Variants in RASGRF2 observed in about 807,000 individuals in gnomAD.
RASGRF2 encodes the protein Ras protein specific guanine nucleotide releasing factor 2.
In RASGRF2, 76 loss-of-function variants were observed where a neutral mutation model predicts 151.0. The observed-to-expected ratio is 0.50, with a 90% CI of 0.42 to 0.61. RASGRF2 has a LOEUF of 0.61. RASGRF2 is among the 20% of genes least tolerant of loss of function. The probability of loss-of-function intolerance (pLI) is 0.00; values close to 1 mark genes in which losing one functional copy is unlikely to be tolerated. For synonymous variants in RASGRF2, 504 were observed against 566.5 expected (o/e 0.89, Z 1.57); for missense variants, 1,148 against 1,564.6 (o/e 0.73, Z 4.49).
intron 1 of RASGRF2, among the ~76,000 whole-genome samples, chr5:80,969,627 A>AT (rs763147274): frequency 4.3e-5 from 6 of 140,582 alleles, no homozygotes; most frequent in Non-Finnish European, 7.7e-5. Context: ...TTTTTTTTGT[A>AT]TTTTTAGTAG....
At chr5:81,096,669 G>A (rs1447504498) in intron 12 of RASGRF2, among the ~76,000 whole-genome samples, 1 of 152,048 alleles carries the variant, frequency 6.6e-6, no homozygotes, top group Admixed American at 6.6e-5. Flanking sequence ...AGCATGACTG[G>A]GGAGACATTG....
At chr5:81,122,812 A>G (rs1256820042) in intron 15 of RASGRF2, among the ~76,000 whole-genome samples, 1 of 152,224 alleles carries the variant, frequency 6.6e-6, no homozygotes, top group Non-Finnish European at 1.5e-5. Context: ...AGGGGCATAG[A>G]AACATCATTA....
chr5:81,214,875 A>T (rs569013258), intron 23 of RASGRF2, among the ~76,000 whole-genome samples: 19 of 152,372 alleles, frequency 1.2e-4, no homozygotes, highest in African/African-American at 4.6e-4. Flanking sequence ...AGTAATTATC[A>T]GTTATACTTC....
chr5:81,103,712 A>G (rs1317481550), intron 12 of RASGRF2, among the ~76,000 whole-genome samples: 2 of 150,638 alleles, frequency 1.3e-5, no homozygotes, highest in Admixed American at 6.7e-5. Flanking sequence ...AGGTAAAAAG[A>G]CAGATTGCCT....
intron 17 of RASGRF2, among the ~76,000 whole-genome samples, chr5:81,130,947 A>C (rs1461524265): frequency 6.6e-6 from 1 of 152,144 alleles, no homozygotes; most frequent in East Asian, 1.9e-4. Flanking sequence ...TCCATGTTTC[A>C]GGTGCCTCTG....
intron 17 of RASGRF2, among the ~76,000 whole-genome samples, chr5:81,152,147 G>A (rs1754152113): frequency 1.3e-5 from 2 of 152,032 alleles, no homozygotes; most frequent in South Asian, 2.1e-4. Flanking sequence ...GATTACAGGT[G>A]CGTGCCAACA....
At chr5:81,102,926 A>G (rs751685713) in intron 12 of RASGRF2, among the ~76,000 whole-genome samples, 1 of 152,214 alleles carries the variant, frequency 6.6e-6, no homozygotes, top group Non-Finnish European at 1.5e-5. Flanking sequence ...TGAGTAAATT[A>G]TGTATCATGA....
At chr5:81,081,692 C>T (rs910940877) in intron 7 of RASGRF2, among the ~76,000 whole-genome samples, 1 of 152,206 alleles carries the variant, frequency 6.6e-6, no homozygotes, top group African/African-American at 2.4e-5. Flanking sequence ...ATCTCTGACC[C>T]TGGCTAATCA....
At chr5:81,060,085 C>G (rs1426934471) in intron 2 of RASGRF2, among the ~76,000 whole-genome samples, 1 of 152,164 alleles carries the variant, frequency 6.6e-6, no homozygotes, top group Non-Finnish European at 1.5e-5. Context: ...ACAATCAGAT[C>G]TCATGAGAAC....
At position 80,994,238 on chromosome 5, in the gene RASGRF2, C is replaced by T. The variant is rs377333243; in HGVS notation, c.288+33212C>T. ...AAAATTAGCCAGGCGTGGTGGTAGGCGCCTGTAGTCCCAGCTACTCAGGAG... is the reference window on the plus strand; with the variant it reads ...AAAATTAGCCAGGCGTGGTGGTAGGTGCCTGTAGTCCCAGCTACTCAGGAG... On this transcript the variant is annotated intron_variant, in intron 1 of 26. Transcript: ENST00000265080. Among the ~76,000 whole-genome samples the T allele has an allele frequency of 2.6e-4, 39 of 151,800 alleles. No homozygotes were observed. In the East Asian group the frequency reaches 5.5e-3, roughly 21 times the overall value.
intron 1 of RASGRF2, among the ~76,000 whole-genome samples, chr5:81,029,596 A>G (rs1750164060): frequency 6.6e-6 from 1 of 152,222 alleles, no homozygotes; most frequent in African/African-American, 2.4e-5. Flanking sequence ...CCTGACTGTT[A>G]GAAGGAAAAC....
intron 1 of RASGRF2, among the ~76,000 whole-genome samples, chr5:80,963,740 T>C (rs561297358): frequency 2.1e-4 from 32 of 152,374 alleles, no homozygotes; most frequent in African/African-American, 7.2e-4. Flanking sequence ...CATCATTGCC[T>C]GAGGCAGAGA....
At chr5:81,106,693 T>C (rs956975551) in intron 12 of RASGRF2, among the ~76,000 whole-genome samples, 2 of 152,106 alleles carry the variant, frequency 1.3e-5, no homozygotes, top group Non-Finnish European at 2.9e-5. Flanking sequence ...CATAGAGAGG[T>C]AGTGTGGCCT....
In RASGRF2 at chr5:81,226,566, C is replaced by G. The variant is rs770672699; in HGVS notation, c.*796C>G. Reference sequence around the variant, plus strand: ...CAGCTGCAAAAAGGTGCACGCCCATCTCACCGACAAAACTGTGGAACAGAA... The same window carrying G: ...CAGCTGCAAAAAGGTGCACGCCCATGTCACCGACAAAACTGTGGAACAGAA... On this transcript the variant is annotated 3_prime_UTR_variant, in exon 27 of 27. Coordinates refer to ENST00000265080, the MANE Select transcript of RASGRF2 (RefSeq NM_006909.3). 1 of 152,172 alleles carries G rather than the reference C, an allele frequency of 6.6e-6. No homozygotes were observed. Among genetic ancestry groups the G allele is most frequent in the Non-Finnish European group, 1.5e-5 (1 of 68,048 alleles). 9.4% of individuals were successfully genotyped at this position (152,172 alleles called of 1,614,324 possible).
rs114139785 is a variant in RASGRF2 at position 81,087,635 on chromosome 5, T to C, written c.1390+682T>C. ...AGTGCCTATTTCTCCTCGGCTGTTATTTCAAAATGCAAGACGTAAACCACA... is the reference window on the plus strand; with the variant it reads ...AGTGCCTATTTCTCCTCGGCTGTTACTTCAAAATGCAAGACGTAAACCACA... On this transcript the variant is annotated intron_variant, in intron 9 of 26. Coordinates refer to ENST00000265080, the MANE Select transcript of RASGRF2 (RefSeq NM_006909.3). 1.4e-3 allele frequency: 700 copies of C among 501,828 alleles called. 2 individuals are homozygous for C. Among genetic ancestry groups the C allele is most frequent in the Admixed American group, 3.2e-3 (94 of 29,028 alleles). The allele number at this position is 501,828 out of a possible 1,614,324, so 31.1% of individuals were successfully genotyped here. A position where few individuals can be genotyped will look rare whatever the true frequency, so the allele number is the denominator to read the frequency against.
Position 81,035,044 on chromosome 5 carries a change from A to G in RASGRF2, c.289-7833A>G, listed in dbSNP as rs1252583969. ...GTTGGTGGGACTGTAAACTAGTTCA[A>G]CTATTGTGGTGATTCCTCAAGGATC... is the stretch of plus-strand genomic sequence containing the variant. On this transcript the variant is annotated intron_variant, in intron 1 of 26. Transcript: ENST00000265080. 3.3e-5 allele frequency among the ~76,000 whole-genome samples: 5 copies of G among 152,204 alleles called. No individual in the cohort carries two copies. In the East Asian group the frequency reaches 9.7e-4, roughly 29 times the overall value.
intron 17 of RASGRF2, among the ~76,000 whole-genome samples, chr5:81,179,478 T>G (rs1237563557): frequency 1.3e-5 from 2 of 152,164 alleles, no homozygotes; most frequent in African/African-American, 4.8e-5. Flanking sequence ...ATCCATGGGG[T>G]TTTTGTAAAT....
At chr5:81,123,892 T>C in intron 16 of RASGRF2, 125 bp downstream of exon 16, 2 of 1,281,920 alleles carry the variant, frequency 1.6e-6, no homozygotes, top group South Asian at 1.6e-5. Context: ...TGAAAATTAA[T>C]TGGAAGCAAA....
chr5:81,072,352 G>A (rs252586), intron 4 of RASGRF2, among the ~76,000 whole-genome samples: 80,898 of 152,058 alleles, frequency 0.53, 21,877 homozygotes, highest in East Asian at 0.56. Flanking sequence ...CTGGTAGGCA[G>A]GCAAGAGAAT....
Sources: gnomAD v4.1 joint callset for allele counts (sites outside exome capture counted in the v4.1 genomes callset) on GRCh38, gnomAD v4.1.1 for gene constraint, MANE v1.5 for transcripts, NCBI Gene and HGNC (gene_info 2026-07-23, HGNC 2026-07-21) for gene names.